Variants in OTOGL observed in about 807,000 individuals in gnomAD.
The protein encoded by OTOGL is otogelin like, also known as otogelin-like protein.
Under a neutral mutation model 318.5 loss-of-function variants are expected in OTOGL, and 285 were observed. That is an observed-to-expected ratio of 0.89 (90% CI 0.81 to 0.99). OTOGL has a LOEUF of 0.99. Among genes scored for constraint, OTOGL ranks in the 50% least tolerant of loss-of-function variants. The probability of loss-of-function intolerance (pLI) is 0.00; values close to 1 mark genes in which losing one functional copy is unlikely to be tolerated. For synonymous variants in OTOGL, 987 were observed against 936.5 expected (o/e 1.05, Z -0.99); for missense variants, 2,899 against 2,845.6 (o/e 1.02, Z -0.43).
chr12:80,110,049 GT>G (rs1006024442), intron 1 of OTOGL, among the ~76,000 whole-genome samples: 4 of 143,544 alleles, frequency 2.8e-5, no homozygotes, highest in Non-Finnish European at 3.0e-5. Context: ...ATCTACATTA[GT>G]TTTTTTTTCT....
At chr12:80,191,304 G>A (rs1484465847) in intron 1 of OTOGL, among the ~76,000 whole-genome samples, 3 of 152,148 alleles carry the variant, frequency 2.0e-5, no homozygotes, top group African/African-American at 7.2e-5. Flanking sequence ...CAGGCGCGGG[G>A]GTGGGCAGCT....
Position 80,314,316 on chromosome 12 carries a change from G to A in OTOGL, c.3619G>A (p.Glu1207Lys), listed in dbSNP as rs1886837308. The A allele has an allele frequency of 1.9e-6, 2 of 1,049,672 alleles. No individual in the cohort carries two copies. Among genetic ancestry groups the A allele is most frequent in the Non-Finnish European group, 2.5e-6 (2 of 785,488 alleles). The allele number at this position is 1,049,672 out of a possible 1,614,324, so 65.0% of individuals were successfully genotyped here. The change falls in exon 32 of 59, where the codon GAA (glutamate) becomes AAA (lysine). Residue 1207 changes from glutamate to lysine, a missense_variant. Glu to Lys is a moderately conservative substitution (Grantham distance 56). Around this residue, in one of 3 missense-constraint regions of OTOGL, gnomAD observed 2,607 missense variants for 2,524.9 expected, o/e 1.03. Transcript: ENST00000547103. ...TTTTTTTCTTTTAGCACTTGATTGT[G>A]AATACTACAATGAAGGTATGTGACA... Reference protein sequence around the residue: ...RSSTVCSLDCEYYNEGLGEGP... With the variant: ...RSSTVCSLDCKYYNEGLGEGP...
intron 7 of OTOGL, among the ~76,000 whole-genome samples, chr12:80,228,404 T>C (rs530130532): frequency 7.9e-5 from 12 of 152,066 alleles, no homozygotes; most frequent in African/African-American, 2.9e-4. Flanking sequence ...ATCACACCAC[T>C]GCACTCCAGC....
At chr12:80,323,141 CACACACATAT>C (rs749022129) in intron 34 of OTOGL, among the ~76,000 whole-genome samples, 3,235 of 66,790 alleles carry the variant, frequency 0.048, 52 homozygotes, top group South Asian at 0.11. Context: ...CACACACACA[CACACACATAT>C]ATAAAATATT....
At chr12:80,232,800 T>C in intron 8 of OTOGL, 92 bp from the exon 9 acceptor site, 1 of 1,082,036 alleles carries the variant, frequency 9.2e-7, no homozygotes, top group Non-Finnish European at 1.3e-6. Context: ...GTAATCATTT[T>C]CTTTTAATTG....
At chr12:80,289,813 G>T (rs1009967060) in intron 26 of OTOGL, among the ~76,000 whole-genome samples, 2 of 152,192 alleles carry the variant, frequency 1.3e-5, no homozygotes, top group Non-Finnish European at 2.9e-5. Flanking sequence ...TCAAGCCAGT[G>T]GTTCTTAGCT....
intron 1 of OTOGL, among the ~76,000 whole-genome samples, chr12:80,159,179 A>G (rs1466484776): frequency 6.6e-6 from 1 of 152,122 alleles, no homozygotes; most frequent in African/African-American, 2.4e-5. Flanking sequence ...CCTAGTATGA[A>G]ACTCACTTGA....
chr12:80,257,603 G>T (rs758554985), intron 17 of OTOGL, among the ~76,000 whole-genome samples: 1 of 151,962 alleles, frequency 6.6e-6, no homozygotes, highest in African/African-American at 2.4e-5. Flanking sequence ...ACTAAAAATG[G>T]CTGCTGAAGA....
intron 1 of OTOGL, among the ~76,000 whole-genome samples, chr12:80,143,235 A>G (rs980683373): frequency 2.0e-5 from 3 of 152,344 alleles, no homozygotes; most frequent in East Asian, 3.9e-4. Flanking sequence ...AGAGTGTTAC[A>G]TAATAACATA....
At chr12:80,126,053 G>C (rs1312788338) in intron 1 of OTOGL, among the ~76,000 whole-genome samples, 1 of 152,086 alleles carries the variant, frequency 6.6e-6, no homozygotes, top group Non-Finnish European at 1.5e-5. Context: ...GTTCTGCTCT[G>C]ATCTTAGTTA....
At chr12:80,133,722 A>C (rs1871376385) in intron 1 of OTOGL, 1 of 152,226 alleles carries the variant, frequency 6.6e-6, no homozygotes. Context: ...TGGTAGGCAG[A>C]GGTGGGTGGA....
intron 29 of OTOGL, among the ~76,000 whole-genome samples, chr12:80,307,374 G>A (rs1221265952): frequency 6.6e-6 from 1 of 151,648 alleles, no homozygotes; most frequent in Non-Finnish European, 1.5e-5. Flanking sequence ...TCACTTCCCA[G>A]TAGGCGCGGC....
chr12:80,316,670 A>C (rs1592699719), intron 32 of OTOGL, among the ~76,000 whole-genome samples: 1 of 152,308 alleles, frequency 6.6e-6, no homozygotes, highest in East Asian at 1.9e-4. Flanking sequence ...AAAGTAATGG[A>C]GAAACGCATC....
At chr12:80,213,612 G>T (rs977367379) in intron 4 of OTOGL, among the ~76,000 whole-genome samples, 4 of 152,200 alleles carry the variant, frequency 2.6e-5, no homozygotes, top group Non-Finnish European at 5.9e-5. Context: ...CTTAAAAAGA[G>T]TGTTTTGTGT....
chr12:80,195,936 T>A (rs1876033628), intron 1 of OTOGL, among the ~76,000 whole-genome samples: 2 of 152,260 alleles, frequency 1.3e-5, no homozygotes, highest in Admixed American at 1.3e-4. Context: ...AAGGGGATTT[T>A]CTTGAGAACT....
At chr12:80,220,439 A>G (rs906974783) in intron 6 of OTOGL, among the ~76,000 whole-genome samples, 4 of 152,118 alleles carry the variant, frequency 2.6e-5, no homozygotes, top group Non-Finnish European at 5.9e-5. Context: ...GATTACAGGC[A>G]TGAGCCACTG....
chr12:80,257,832 T>C lies in OTOGL; in HGVS notation c.1719T>C (p.Val573=). Reference sequence around the variant, plus strand: ...TATGTTCTTTTCCTGCAGGTATTGTTGAAATTCAAACTCTGTCATCCTTAT... The same window carrying C: ...TATGTTCTTTTCCTGCAGGTATTGTCGAAATTCAAACTCTGTCATCCTTAT... ...PNQGFNLNGI[V]EIQTLSSLFI... The change falls in exon 18 of 59, where the codon GTT becomes GTC. Residue 573 remains valine, a synonymous_variant. Coordinates refer to ENST00000547103, the MANE Select transcript of OTOGL (RefSeq NM_001378609.3). 6.3e-7 allele frequency: 1 copy of C among 1,574,856 alleles called. No homozygotes were observed. Among genetic ancestry groups the C allele is most frequent in the South Asian group, 1.1e-5 (1 of 87,272 alleles).
intron 4 of OTOGL, among the ~76,000 whole-genome samples, chr12:80,214,379 A>G (rs1425161841): frequency 6.6e-6 from 1 of 152,238 alleles, no homozygotes; most frequent in African/African-American, 2.4e-5. Flanking sequence ...AATGCGTCCT[A>G]GAATAATTTC....
intron 43 of OTOGL, 30 bp downstream of exon 43, chr12:80,339,294 GTCTGTT>G: frequency 3.5e-6 from 2 of 578,546 alleles, no homozygotes; most frequent in Non-Finnish European, 5.0e-6. Context: ...TCTTGATTTC[GTCTGTT>G]TTTTTTTTTT....
Sources: allele counts gnomAD v4.1 joint callset (sites outside exome capture counted in the v4.1 genomes callset), GRCh38; gene constraint gnomAD v4.1.1; regional missense constraint gnomAD v4.1.1; transcripts MANE v1.5; gene names NCBI Gene and HGNC (gene_info 2026-07-23, HGNC 2026-07-21).